Variants in DIPK2A observed in about 807,000 individuals in gnomAD.
DIPK2A encodes the protein divergent protein kinase domain 2A, also known as Golgi Protein of 49 kDa.
In DIPK2A, 27 loss-of-function variants were observed where a neutral mutation model predicts 39.0. The observed-to-expected ratio is 0.69, with a 90% CI of 0.51 to 0.96. The LOEUF is 0.96. DIPK2A is among the 40% of genes least tolerant of loss of function. The pLI, the probability that DIPK2A is intolerant of heterozygous loss-of-function variation, is 0.00. For missense variants in DIPK2A, 528 were observed against 571.3 expected (o/e 0.92, Z 0.77); for synonymous variants, 298 against 240.8 (o/e 1.24, Z -2.20).
At chr3:143,977,806 A>G (rs1316319143) in intron 1 of DIPK2A, among the ~76,000 whole-genome samples, 2 of 152,112 alleles carry the variant, frequency 1.3e-5, no homozygotes, top group Non-Finnish European at 2.9e-5. Context: ...TAATAAAACA[A>G]TTTTGGATAC....
At chr3:143,983,084 C>T (rs2087848018) in intron 1 of DIPK2A, among the ~76,000 whole-genome samples, 1 of 152,074 alleles carries the variant, frequency 6.6e-6, no homozygotes, top group Admixed American at 6.5e-5. Flanking sequence ...AAAGTAAGTT[C>T]TTAGAGACCT....
In DIPK2A at chr3:143,976,555, T is replaced by TGA. The variant is rs1186765697; in HGVS notation, c.657+3595_657+3596dup. On this transcript the variant is annotated intron_variant, in intron 1 of 2. Coordinates refer to ENST00000315691, the MANE Select transcript of DIPK2A (RefSeq NM_173552.5). Reference sequence around the variant, plus strand: ...GAGTGTGTGTGTGTGTGTGTGTGTGTGAGAGAGAGAGAGAGAGAGAGAGAG... The same window carrying TGA: ...GAGTGTGTGTGTGTGTGTGTGTGTGTGAGAGAGAGAGAGAGAGAGAGAGAGAG... Among the ~76,000 whole-genome samples the TGA allele has an allele frequency of 4.2e-3, 491 of 118,072 alleles. 1 individual carries two copies. Among genetic ancestry groups the TGA allele is most frequent in the East Asian group, 1.0e-2 (47 of 4,710 alleles). The allele number at this position is 118,072 out of a possible 152,430, so 77.5% of individuals were successfully genotyped here.
intron 1 of DIPK2A, among the ~76,000 whole-genome samples, chr3:143,980,515 C>G (rs1171043307): frequency 6.6e-6 from 1 of 152,124 alleles, no homozygotes; most frequent in Non-Finnish European, 1.5e-5. Flanking sequence ...GATCTGCCCA[C>G]TTAGGCCTCC....
chr3:143,988,867 A>G (rs1040361953), intron 2 of DIPK2A, among the ~76,000 whole-genome samples: 1 of 152,220 alleles, frequency 6.6e-6, no homozygotes, highest in Non-Finnish European at 1.5e-5. Context: ...ATTCTGGGCC[A>G]TCTATAGTTG....
Position 143,972,238 on chromosome 3 carries a change from T to A in DIPK2A, c.-95T>A, listed in dbSNP as rs896424295. On this transcript the variant is annotated 5_prime_UTR_variant, in exon 1 of 3. Coordinates refer to ENST00000315691, the MANE Select transcript of DIPK2A (RefSeq NM_173552.5). ...CCAGCCCGCGCGCTAGCTCCTTCTCTCGCCCGGGGTTCCTGCCGGTAGCTC... is the reference window on the plus strand; with the variant it reads ...CCAGCCCGCGCGCTAGCTCCTTCTCACGCCCGGGGTTCCTGCCGGTAGCTC... 30 of 1,193,780 alleles carry A rather than the reference T, an allele frequency of 2.5e-5. No individual in the cohort carries two copies. The highest frequency in any genetic ancestry group is 3.0e-5 in the Non-Finnish European group (28 of 920,232). 73.9% of individuals were successfully genotyped at this position (1,193,780 alleles called of 1,614,324 possible).
intron 1 of DIPK2A, among the ~76,000 whole-genome samples, chr3:143,973,931 C>G (rs1296791213): frequency 6.6e-6 from 1 of 152,118 alleles, no homozygotes; most frequent in Non-Finnish European, 1.5e-5. Flanking sequence ...ACATTCCCAC[C>G]CAGCTTCAGT....
At chr3:143,987,587 C>T (rs1281844208) in intron 2 of DIPK2A, among the ~76,000 whole-genome samples, 2 of 152,172 alleles carry the variant, frequency 1.3e-5, no homozygotes, top group Non-Finnish European at 2.9e-5. Context: ...TGGCAACTCC[C>T]CCAGTGTCCT....
At chr3:143,975,758 G>A (rs2087719928) in intron 1 of DIPK2A, among the ~76,000 whole-genome samples, 1 of 151,970 alleles carries the variant, frequency 6.6e-6, no homozygotes, top group African/African-American at 2.4e-5. Context: ...TCCTCCAGGA[G>A]AGGGAGCTAC....
At chr3:143,978,791 G>A (rs1024608854) in intron 1 of DIPK2A, among the ~76,000 whole-genome samples, 17 of 150,654 alleles carry the variant, frequency 1.1e-4, no homozygotes, top group African/African-American at 3.9e-4. Context: ...AATAGATGGG[G>A]GTGGAGAGTG....
rs9847681 is a variant in DIPK2A, at chr3:143,985,674, C to T, written c.789C>T (p.Leu263=). 0.06 allele frequency: 96,620 copies of T among 1,613,932 alleles called. 4,467 individuals carry two copies. The highest frequency in any genetic ancestry group is 0.18 in the East Asian group (7,929 of 44,856). ...FNAPWEKRVD[L]AWQLMEIAEQ... The stretch of plus-strand genomic sequence containing the variant: ...CGCCATGGGAAAAACGAGTTGACCT[C>T]GCTTGGCAATTAATGGAAATAGCAG... Residue 263 remains leucine (L), a synonymous_variant, in exon 2 of 3, where the codon CTC becomes CTT. Coordinates refer to ENST00000315691, the MANE Select transcript of DIPK2A (RefSeq NM_173552.5).
intron 1 of DIPK2A, among the ~76,000 whole-genome samples, chr3:143,974,985 T>G (rs1268215926): frequency 6.6e-6 from 1 of 152,176 alleles, no homozygotes; most frequent in Non-Finnish European, 1.5e-5. Context: ...TCCCTCAAAC[T>G]TACTCTTTAT....
Position 143,972,890 on chromosome 3 carries a change from C to G in DIPK2A, c.558C>G (p.Thr186=). Residue 186 remains threonine, a synonymous_variant, in exon 1 of 3, where the codon ACC becomes ACG. Coordinates refer to ENST00000315691, the MANE Select transcript of DIPK2A (RefSeq NM_173552.5). ...GCCTGGTGCGCCGCTACGCGGAGACCAAGGACTCGGGCAGCTTCCTGCTTC... is the reference window on the plus strand; with the variant it reads ...GCCTGGTGCGCCGCTACGCGGAGACGAAGGACTCGGGCAGCTTCCTGCTTC... ...LDRLVRRYAE[T]KDSGSFLLRN... The G allele has an allele frequency of 1.3e-6, 2 of 1,581,070 alleles. No homozygotes were observed. Among genetic ancestry groups the G allele is most frequent in the African/African-American group, 1.3e-5 (1 of 74,500 alleles).
chr3:143,985,491 C>A, intron 1 of DIPK2A, 52 bp from the exon 2 acceptor site: 2 of 1,476,384 alleles, frequency 1.4e-6, no homozygotes, highest in Non-Finnish European at 1.9e-6. Context: ...GAGGATAGAC[C>A]TAGGATATTT....
intron 1 of DIPK2A, among the ~76,000 whole-genome samples, chr3:143,979,703 G>T (rs1005765119): frequency 3.2e-4 from 48 of 151,042 alleles, no homozygotes; most frequent in Non-Finnish European, 6.3e-4. Flanking sequence ...GTTTTTTTTT[G>T]GTGGGGGCAG....
At position 143,989,631 on chromosome 3, in the gene DIPK2A, T is replaced by A. The variant is rs1163048281; in HGVS notation, c.1083T>A (p.Tyr361Ter). 1 of 1,614,234 alleles carries A rather than the reference T, an allele frequency of 6.2e-7. No homozygotes were observed. Among genetic ancestry groups the A allele is most frequent in the East Asian group, 2.2e-5 (1 of 44,878 alleles). ...CARATVDHNY[Y>*]AVCQNLLSRH... Reference sequence around the variant, plus strand: ...GTGCCACTGTGGACCACAATTACTATGCTGTTTGTCAGAACCTCTTATCCA... The same window carrying A: ...GTGCCACTGTGGACCACAATTACTAAGCTGTTTGTCAGAACCTCTTATCCA... The change falls in exon 3 of 3, where the codon TAT becomes TAA. Residue 361 changes from tyrosine to a stop codon, truncating the protein, a stop_gained. Coordinates refer to ENST00000315691, the MANE Select transcript of DIPK2A (RefSeq NM_173552.5). LOFTEE classifies it high-confidence loss of function.
chr3:143,989,017 A>G (rs1353312381), intron 2 of DIPK2A, among the ~76,000 whole-genome samples: 1 of 152,194 alleles, frequency 6.6e-6, no homozygotes, highest in Non-Finnish European at 1.5e-5. Context: ...CTCACACTCT[A>G]GCCACAGTGA....
chr3:143,978,266 C>T lies in DIPK2A; in HGVS notation c.657+5277C>T, dbSNP rs951036940. On this transcript the variant is annotated intron_variant, in intron 1 of 2. Coordinates refer to ENST00000315691, the MANE Select transcript of DIPK2A (RefSeq NM_173552.5). ...CATTACCCATATGTTAAATTATGGC[C>T]TTATAATTTAAATCCTGCATTTTTC... Among the ~76,000 whole-genome samples, 4 of 151,834 alleles carry T rather than the reference C, an allele frequency of 2.6e-5. No homozygotes were observed. The East Asian group carries it at 5.8e-4, about 22-fold the overall frequency.
At chr3:143,988,101 CT>C (rs778582228) in intron 2 of DIPK2A, among the ~76,000 whole-genome samples, 4,273 of 145,524 alleles carry the variant, frequency 0.029, 195 homozygotes, top group African/African-American at 0.099. Context: ...TCTTCTGATC[CT>C]TTTTTTTTTT....
At chr3:143,973,323 C>T (rs2087685574) in intron 1 of DIPK2A, 2 of 1,538,554 alleles carry the variant, frequency 1.3e-6, no homozygotes, top group Middle Eastern at 1.7e-4. Flanking sequence ...CCCTGCCTTT[C>T]TGCTTTTATC....
Sources: allele counts gnomAD v4.1 joint callset (sites outside exome capture counted in the v4.1 genomes callset), GRCh38; gene constraint gnomAD v4.1.1; transcripts MANE v1.5; gene names NCBI Gene and HGNC (gene_info 2026-07-23, HGNC 2026-07-21).